The following BATF3 variants were observed in gnomAD, a reference collection of about 807,000 sequenced individuals.
The protein encoded by BATF3 is basic leucine zipper transcriptional factor ATF-like 3.
In BATF3, 8 loss-of-function variants were observed where a neutral mutation model predicts 16.1. The observed-to-expected ratio is 0.50, with a 90% CI of 0.29 to 0.90. The LOEUF is 0.90. BATF3 is among the 40% of genes least tolerant of loss of function. BATF3 has a pLI of 0.08. For synonymous variants in BATF3, 74 were observed against 72.7 expected (o/e 1.02, Z -0.09); for missense variants, 139 against 167.0 (o/e 0.83, Z 0.92).
At position 212,686,474 on chromosome 1, in the gene BATF3, C is replaced by A. The variant is rs1361679000; in HGVS notation, c.*317G>T. Reference sequence around the variant, plus strand: ...TTCCCAGAACTGGAGAAGGGAGAGACAATAAGCATCTTTATTATCCAAATT... The same window carrying A: ...TTCCCAGAACTGGAGAAGGGAGAGAAAATAAGCATCTTTATTATCCAAATT... On this transcript the variant is annotated 3_prime_UTR_variant, in exon 3 of 3. Coordinates refer to ENST00000243440, the MANE Select transcript of BATF3 (RefSeq NM_018664.3). 8 of 316,116 alleles carry A rather than the reference C, an allele frequency of 2.5e-5. No homozygotes were observed. Among genetic ancestry groups the A allele is most frequent in the East Asian group, 5.3e-5 (1 of 19,018 alleles). The allele number at this position is 316,116 out of a possible 1,614,324, so 19.6% of individuals were successfully genotyped here. A position where few individuals can be genotyped will look rare whatever the true frequency, so the allele number is the denominator to read the frequency against.
chr1:212,695,572 G>A (rs184531166), intron 2 of BATF3, among the ~76,000 whole-genome samples: 2,303 of 151,448 alleles, frequency 0.015, 53 homozygotes, highest in South Asian at 0.03. Flanking sequence ...GAGCCTGGGA[G>A]GTGGAGGCTG....
At chr1:212,698,069 G>T (rs572034122) in intron 1 of BATF3, 1 of 152,298 alleles carries the variant, frequency 6.6e-6, no homozygotes, top group South Asian at 2.1e-4. Flanking sequence ...CCAAGTTACT[G>T]CAGGTAAGAA....
At chr1:212,696,519 GA>G (rs1454563169) in intron 2 of BATF3, among the ~76,000 whole-genome samples, 1 of 151,974 alleles carries the variant, frequency 6.6e-6, no homozygotes, top group African/African-American at 2.4e-5. Context: ...GTGTTGAGTG[GA>G]AAGGGGGTAG....
intron 1 of BATF3, chr1:212,698,464 C>T (rs1437682727): frequency 6.6e-6 from 1 of 152,226 alleles, no homozygotes; most frequent in African/African-American, 2.4e-5. Flanking sequence ...GGTCAGTGAA[C>T]TCTGCAGACT....
chr1:212,688,008 G>C (rs200942125), intron 2 of BATF3, among the ~76,000 whole-genome samples: 1 of 67,978 alleles, frequency 1.5e-5, no homozygotes, highest in Non-Finnish European at 3.1e-5. Flanking sequence ...AGGAAGGAAG[G>C]AAGGAAGGAA....
At chr1:212,688,817 G>T (rs982826502) in intron 2 of BATF3, among the ~76,000 whole-genome samples, 3 of 152,126 alleles carry the variant, frequency 2.0e-5, no homozygotes, top group Non-Finnish European at 2.9e-5. Context: ...AGGCTTTGTT[G>T]TACCATGCAC....
chr1:212,686,687 G>A lies in BATF3; in HGVS notation c.*104C>T, dbSNP rs1656857528. 4 of 1,449,792 alleles carry A rather than the reference G, an allele frequency of 2.8e-6. No individual in the cohort carries two copies. Among genetic ancestry groups the A allele is most frequent in the Non-Finnish European group, 2.7e-6 (3 of 1,099,732 alleles). The allele number at this position is 1,449,792 out of a possible 1,614,324, so 89.8% of individuals were successfully genotyped here. On this transcript the variant is annotated 3_prime_UTR_variant, in exon 3 of 3. Coordinates refer to ENST00000243440, the MANE Select transcript of BATF3 (RefSeq NM_018664.3). The stretch of plus-strand genomic sequence containing the variant: ...CTGGTCCTGGAGCTCCCAGGAGGAG[G>A]CCTGGCCACAGGTGCCCCCTGTATA...
chr1:212,692,138 C>T (rs1333479368), intron 2 of BATF3, among the ~76,000 whole-genome samples: 1 of 152,166 alleles, frequency 6.6e-6, no homozygotes, highest in Non-Finnish European at 1.5e-5. Flanking sequence ...ACAGAGGGCT[C>T]GCCTTGACGG....
intron 2 of BATF3, among the ~76,000 whole-genome samples, chr1:212,688,568 A>C (rs1656919006): frequency 6.6e-6 from 1 of 152,202 alleles, no homozygotes; most frequent in Non-Finnish European, 1.5e-5. Flanking sequence ...AGACCAGCAA[A>C]ATTGCAAAAT....
At position 212,699,288 on chromosome 1, in the gene BATF3, T is replaced by C. The variant is rs1657207215; in HGVS notation, c.90+385A>G. ...CCACCCGGGGGAATCCTGGAGGGGC[T>C]ACAGGCGCGGGTGGTGGGGTGGCAG... On this transcript the variant is annotated intron_variant, in intron 1 of 2. Transcript: ENST00000243440. The surrounding 1 kb of genome is among the most constrained non-coding windows in gnomAD (Gnocchi z 4.4). Among the ~76,000 whole-genome samples the C allele has an allele frequency of 6.6e-6, 1 of 151,510 alleles. No homozygotes were observed. Among genetic ancestry groups the C allele is most frequent in the African/African-American group, 2.4e-5 (1 of 41,166 alleles).
chr1:212,690,619 C>T (rs760406331), intron 2 of BATF3, among the ~76,000 whole-genome samples: 1 of 152,206 alleles, frequency 6.6e-6, no homozygotes, highest in Non-Finnish European at 1.5e-5. Flanking sequence ...ACCCACCTCA[C>T]ACCCAGAAGA....
At chr1:212,693,209 G>T (rs1657041392) in intron 2 of BATF3, among the ~76,000 whole-genome samples, 1 of 152,204 alleles carries the variant, frequency 6.6e-6, no homozygotes, top group African/African-American at 2.4e-5. Context: ...ATGCCCTCCT[G>T]GAAGGAACAG....
chr1:212,699,702 T>A lies in BATF3; in HGVS notation c.61A>T (p.Asn21Tyr). 7.4e-7 allele frequency: 1 copy of A among 1,348,000 alleles called. No homozygotes were observed. Among genetic ancestry groups the A allele is most frequent in the Non-Finnish European group, 9.6e-7 (1 of 1,045,446 alleles). 83.5% of individuals were successfully genotyped at this position (1,348,000 alleles called of 1,614,324 possible). Reference protein sequence around the residue: ...VLQRSVAAPGNQPQPQPQQQS... With the variant: ...VLQRSVAAPGYQPQPQPQQQS... The stretch of plus-strand genomic sequence containing the variant: ...TGCTGCGGCTGCGGCTGCGGCTGGT[T>A]CCCGGGCGCCGCGACGCTCCTCTGC... Residue 21 changes from asparagine (N) to tyrosine (Y), a missense_variant, in exon 1 of 3, where the codon AAC becomes TAC. Transcript: ENST00000243440. The surrounding 1 kb of genome is among the most constrained non-coding windows in gnomAD (Gnocchi z 4.4).
chr1:212,697,078 A>C lies in BATF3; in HGVS notation c.91-13T>G, dbSNP rs1211284266. 6.2e-7 allele frequency: 1 copy of C among 1,608,436 alleles called. No homozygotes were observed. The highest frequency in any genetic ancestry group is 8.5e-7 in the Non-Finnish European group (1 of 1,174,974). ...CATCCTCAGGGCTCTGGGGAAAAAC[A>C]CTGGGTGGGTGTGATGTCGTGGCCC... On this transcript the variant is annotated splice_polypyrimidine_tract_variant and intron_variant, in intron 1 of 2. Coordinates refer to ENST00000243440, the MANE Select transcript of BATF3 (RefSeq NM_018664.3).
At chr1:212,693,586 C>CCGTGGAG (rs1657054110) in intron 2 of BATF3, among the ~76,000 whole-genome samples, 1 of 152,036 alleles carries the variant, frequency 6.6e-6, no homozygotes, top group Non-Finnish European at 1.5e-5. Flanking sequence ...CACCCCATTT[C>CCGTGGAG]TGAAAAGGGC....
intron 2 of BATF3, chr1:212,687,552 T>C (rs1656879231): frequency 6.5e-6 from 1 of 153,808 alleles, no homozygotes; most frequent in Non-Finnish European, 1.4e-5. Flanking sequence ...CCACACAATG[T>C]AGAAACCATC....
At chr1:212,692,586 C>T (rs542116871) in intron 2 of BATF3, among the ~76,000 whole-genome samples, 9 of 152,256 alleles carry the variant, frequency 5.9e-5, no homozygotes, top group African/African-American at 1.7e-4. Context: ...TACAGGCGCA[C>T]GCCACCACAC....
chr1:212,693,973 T>C (rs1007108263), intron 2 of BATF3, among the ~76,000 whole-genome samples: 2 of 152,130 alleles, frequency 1.3e-5, no homozygotes, highest in African/African-American at 4.8e-5. Context: ...AAGCGTGAGA[T>C]GGGGAGACTA....
At chr1:212,692,682 C>T (rs1341752385) in intron 2 of BATF3, among the ~76,000 whole-genome samples, 1 of 152,188 alleles carries the variant, frequency 6.6e-6, no homozygotes, top group Non-Finnish European at 1.5e-5. Flanking sequence ...AAGTGATCCA[C>T]CCGCCTCAGC....
Sources: gnomAD v4.1 joint callset for allele counts (sites outside exome capture counted in the v4.1 genomes callset) on GRCh38, gnomAD v4.1.1 for gene constraint, Gnocchi (gnomAD v3.1) non-coding constraint, MANE v1.5 for transcripts, NCBI Gene and HGNC (gene_info 2026-07-23, HGNC 2026-07-21) for gene names.